ENPP1: variants seen among roughly 807,000 people sequenced by gnomAD.
The protein encoded by ENPP1 is ectonucleotide pyrophosphatase/phosphodiesterase family member 1.
Under a neutral mutation model 122.8 loss-of-function variants are expected in ENPP1, and 73 were observed. The ratio of observed to expected loss-of-function variants is 0.59; its 90% CI spans 0.49 to 0.72. ENPP1 has a LOEUF of 0.72. Ranked by LOEUF, ENPP1 falls within the 30% of genes least tolerant of loss-of-function variation. The pLI, the probability that ENPP1 is intolerant of heterozygous loss-of-function variation, is 0.00. For synonymous variants in ENPP1, 367 were observed against 391.6 expected, an observed-to-expected ratio of 0.94 and a Z score of 0.74; for missense variants, 978 against 1,128.1, an observed-to-expected ratio of 0.87 and a Z score of 1.91.
At chr6:131,862,424 G>T (rs946267796) in intron 9 of ENPP1, among the ~76,000 whole-genome samples, 5 of 152,172 alleles carry the variant, frequency 3.3e-5, no homozygotes, top group Admixed American at 1.3e-4. Flanking sequence ...CAAGACAGGA[G>T]AATTGCAATG....
intron 13 of ENPP1, 141 bp from the exon 14 acceptor site, chr6:131,871,929 A>G: frequency 1.4e-6 from 1 of 691,118 alleles, no homozygotes; most frequent in Non-Finnish European, 2.6e-6. Flanking sequence ...CAGTGGCTAC[A>G]ATGTAATGAC....
intron 6 of ENPP1, 110 bp from the exon 7 acceptor site, chr6:131,858,558 C>T: frequency 2.8e-6 from 2 of 715,612 alleles, no homozygotes; most frequent in South Asian, 3.2e-5. Flanking sequence ...TAAAATCCCT[C>T]CTGGGCTAAT....
chr6:131,891,615 G>A lies in ENPP1; in HGVS notation c.*1104G>A, dbSNP rs1585849822. 2.0e-5 allele frequency: 3 copies of A among 152,094 alleles called. No homozygotes were observed. The South Asian group carries it at 6.2e-4, about 32-fold the overall frequency. 9.4% of individuals were successfully genotyped at this position (152,094 alleles called of 1,614,324 possible). ...TTTAGGCTACATAGGTCCAATTGAG[G>A]TATAATATCAGTACACCAAAGATTT... is the stretch of plus-strand genomic sequence containing the variant. On this transcript the variant is annotated 3_prime_UTR_variant, in exon 25 of 25. Coordinates refer to ENST00000647893, the MANE Select transcript of ENPP1 (RefSeq NM_006208.3).
Position 131,874,332 on chromosome 6 carries a change from A to G in ENPP1, c.1630A>G (p.Met544Val). The stretch of plus-strand genomic sequence containing the variant: ...TGGCTCTGACAATGTATTTTCAAAT[A>G]TGCAAGTGAGTAAACCTATTATACT... Reference protein sequence around the residue: ...FHGSDNVFSNMQALFVGYGPG... With the variant: ...FHGSDNVFSNVQALFVGYGPG... Residue 544 changes from methionine to valine, a missense_variant, in exon 16 of 25, where the codon ATG (methionine) becomes GTG (valine). Physicochemically the swap from Met to Val is conservative, Grantham distance 21 (BLOSUM62 1). Transcript: ENST00000647893. 6.4e-7 allele frequency: 1 copy of G among 1,566,750 alleles called. No individual in the cohort carries two copies. Among genetic ancestry groups the G allele is most frequent in the South Asian group, 1.1e-5 (1 of 90,012 alleles).
At chr6:131,866,190 G>A (rs1345763629) in intron 11 of ENPP1, among the ~76,000 whole-genome samples, 1 of 152,084 alleles carries the variant, frequency 6.6e-6, no homozygotes, top group African/African-American at 2.4e-5. Context: ...GAATCCTTGT[G>A]TAGTGATCTT....
At chr6:131,830,047 C>T (rs1338346915) in intron 1 of ENPP1, among the ~76,000 whole-genome samples, 2 of 152,098 alleles carry the variant, frequency 1.3e-5, no homozygotes, top group Non-Finnish European at 2.9e-5. Context: ...GGGAAACAGA[C>T]TATTAGATGG....
At chr6:131,886,396 C>G (rs1332499752) in intron 23 of ENPP1, among the ~76,000 whole-genome samples, 166 bp from the exon 24 acceptor site, 8 of 152,154 alleles carry the variant, frequency 5.3e-5, no homozygotes, top group African/African-American at 1.9e-4. Context: ...AATTATTGCT[C>G]TCAATCTGGC....
intron 1 of ENPP1, among the ~76,000 whole-genome samples, chr6:131,845,693 A>G (rs1044807495): frequency 6.6e-6 from 1 of 151,994 alleles, no homozygotes; most frequent in Non-Finnish European, 1.5e-5. Context: ...TCCTGGCCTG[A>G]AGTGATCCCC....
At position 131,860,483 on chromosome 6, in the gene ENPP1, C is replaced by G; in HGVS notation, c.892C>G (p.Pro298Ala). The change falls in exon 8 of 25, where the codon CCT (proline) becomes GCT (alanine). Residue 298 changes from proline to alanine, a missense_variant. Pro to Ala is a conservative substitution (Grantham distance 27). Coordinates refer to ENST00000647893, the MANE Select transcript of ENPP1 (RefSeq NM_006208.3). ...FSLKSKEKFNPEWYKGEPIWV... is the reference protein window; with the variant it reads ...FSLKSKEKFNAEWYKGEPIWV... Reference sequence around the variant, plus strand: ...ACTTAAAAGTAAAGAGAAATTTAATCCTGAGTGGTACAAAGGAGAACCAGT... The same window carrying G: ...ACTTAAAAGTAAAGAGAAATTTAATGCTGAGTGGTACAAAGGAGAACCAGT... 7 of 1,598,070 alleles carry G rather than the reference C, an allele frequency of 4.4e-6. No homozygotes were observed. Among genetic ancestry groups the G allele is most frequent in the Non-Finnish European group, 5.1e-6 (6 of 1,166,504 alleles).
At chr6:131,809,960 T>G (rs1326962272) in intron 1 of ENPP1, among the ~76,000 whole-genome samples, 1 of 152,254 alleles carries the variant, frequency 6.6e-6, no homozygotes, top group Non-Finnish European at 1.5e-5. Context: ...AGGACTATTA[T>G]GGACCTTTTT....
chr6:131,843,335 C>A (rs1781764146), intron 1 of ENPP1, among the ~76,000 whole-genome samples: 1 of 152,120 alleles, frequency 6.6e-6, no homozygotes, highest in East Asian at 1.9e-4. Flanking sequence ...CTATGCTATG[C>A]CTCATCTTAT....
At chr6:131,837,197 T>TGC (rs1781685722) in intron 1 of ENPP1, among the ~76,000 whole-genome samples, 1 of 151,508 alleles carries the variant, frequency 6.6e-6, no homozygotes, top group Admixed American at 6.6e-5. Flanking sequence ...TGTGTGTGTG[T>TGC]GTGTGTGTGT....
Position 131,890,744 on chromosome 6 carries a change from C to G in ENPP1, c.*233C>G, listed in dbSNP as rs369150142. On this transcript the variant is annotated 3_prime_UTR_variant, in exon 25 of 25. Coordinates refer to ENST00000647893, the MANE Select transcript of ENPP1 (RefSeq NM_006208.3). ...AAGCATTGTATACATTGATCAAGTT[C>G]GGGGGAATAAAGACAGACCACACCT... 3 of 538,132 alleles carry G rather than the reference C, an allele frequency of 5.6e-6. 1 individual carries two copies. The Admixed American group carries it at 9.5e-5, about 17-fold the overall frequency. 33.3% of individuals were successfully genotyped at this position (538,132 alleles called of 1,614,324 possible). A position where few individuals can be genotyped will look rare whatever the true frequency, so the allele number is the denominator to read the frequency against.
At chr6:131,832,864 G>A (rs1304175701) in intron 1 of ENPP1, among the ~76,000 whole-genome samples, 3 of 152,084 alleles carry the variant, frequency 2.0e-5, no homozygotes, top group Non-Finnish European at 4.4e-5. Flanking sequence ...GAGGCTGAAG[G>A]CTTTAAGAGC....
intron 1 of ENPP1, among the ~76,000 whole-genome samples, chr6:131,843,438 CTA>C (rs1781766701): frequency 6.6e-6 from 1 of 152,120 alleles, no homozygotes. Context: ...GGATAAAGAG[CTA>C]TATATAAACC....
intron 2 of ENPP1, among the ~76,000 whole-genome samples, chr6:131,849,631 C>A (rs1781856196): frequency 6.6e-6 from 1 of 152,130 alleles, no homozygotes; most frequent in Non-Finnish European, 1.5e-5. Context: ...CTTAAGCCAA[C>A]TTTTTCATAG....
At chr6:131,817,786 CGT>C (rs1781434107) in intron 1 of ENPP1, among the ~76,000 whole-genome samples, 1 of 148,896 alleles carries the variant, frequency 6.7e-6, no homozygotes, top group South Asian at 2.1e-4. Flanking sequence ...CACACACACA[CGT>C]GTGTATGTAC....
At chr6:131,830,343 AG>A (rs1251824369) in intron 1 of ENPP1, among the ~76,000 whole-genome samples, 15 of 152,288 alleles carry the variant, frequency 9.8e-5, no homozygotes, top group African/African-American at 3.6e-4. Context: ...GTGGTCCAGG[AG>A]GGGGCAAGCT....
chr6:131,867,196 G>A (rs558959721), intron 11 of ENPP1, among the ~76,000 whole-genome samples: 5 of 152,146 alleles, frequency 3.3e-5, no homozygotes, highest in African/African-American at 7.2e-5. Flanking sequence ...AATGAAAGAC[G>A]TTGTCTTGTT....
Sources: gnomAD v4.1 joint callset for allele counts (sites outside exome capture counted in the v4.1 genomes callset) on GRCh38, gnomAD v4.1.1 for gene constraint, MANE v1.5 for transcripts, NCBI Gene and HGNC (gene_info 2026-07-23, HGNC 2026-07-21) for gene names.